The following GRAMD2B variants were observed in gnomAD, a reference collection of about 807,000 sequenced individuals.
The protein encoded by GRAMD2B is GRAM domain containing 2B.
In GRAMD2B, 41 loss-of-function variants were observed where a neutral mutation model predicts 59.2. The observed-to-expected ratio is 0.69, with a 90% CI of 0.54 to 0.90. GRAMD2B has a LOEUF of 0.90. Ranked by LOEUF, GRAMD2B falls within the 40% of genes least tolerant of loss-of-function variation. The pLI is 0.00. For synonymous variants in GRAMD2B, 161 were observed against 182.7 expected, an observed-to-expected ratio of 0.88 and a Z score of 0.96; for missense variants, 424 against 500.5, an observed-to-expected ratio of 0.85 and a Z score of 1.46.
At chr5:126,478,953 G>T (rs1477807623) in intron 6 of GRAMD2B, among the ~76,000 whole-genome samples, 10 of 152,050 alleles carry the variant, frequency 6.6e-5, no homozygotes, top group Admixed American at 6.6e-4. Flanking sequence ...TTTTAGACCT[G>T]CTTTACTAAC....
intron 1 of GRAMD2B, among the ~76,000 whole-genome samples, chr5:126,389,693 A>G (rs1245116526): frequency 6.6e-6 from 1 of 152,216 alleles, no homozygotes; most frequent in Admixed American, 6.5e-5. Flanking sequence ...CACACCTGTA[A>G]TCCCAGCACT....
Position 126,492,948 on chromosome 5 carries a change from G to A in GRAMD2B, c.1291G>A (p.Gly431Ser). ...QNNLQKLLENGD is the reference protein window; with the variant it reads ...QNNLQKLLENSD ...TAACTTACAGAAGTTGCTTGAGAATGGTGACTGATCGACCAGATTGCTTGG... is the reference window on the plus strand; with the variant it reads ...TAACTTACAGAAGTTGCTTGAGAATAGTGACTGATCGACCAGATTGCTTGG... Residue 431 changes from glycine to serine, a missense_variant, in exon 14 of 14, where the codon GGT (glycine) becomes AGT (serine). Physicochemically the swap from Gly to Ser is moderately conservative, Grantham distance 56. Transcript: ENST00000285689. The A allele has an allele frequency of 1.2e-6, 2 of 1,611,958 alleles. No homozygotes were observed. Among genetic ancestry groups the A allele is most frequent in the Non-Finnish European group, 8.5e-7 (1 of 1,178,144 alleles).
intron 3 of GRAMD2B, 150 bp downstream of exon 3, chr5:126,469,938 GT>G: frequency 1.6e-6 from 1 of 606,770 alleles, no homozygotes; most frequent in Non-Finnish European, 2.9e-6. Flanking sequence ...ACAGGCAGCA[GT>G]TCCTCCAGTC....
At chr5:126,475,404 G>A (rs1236390087) in intron 5 of GRAMD2B, among the ~76,000 whole-genome samples, 1 of 152,114 alleles carries the variant, frequency 6.6e-6, no homozygotes, top group Non-Finnish European at 1.5e-5. Context: ...TTGTTGCTCA[G>A]AAACAAAATT....
chr5:126,416,625 C>A (rs551920213), intron 1 of GRAMD2B, among the ~76,000 whole-genome samples: 9 of 152,312 alleles, frequency 5.9e-5, no homozygotes, highest in Admixed American at 2.6e-4. Flanking sequence ...CCATCCTTCT[C>A]CCGCCAACCT....
intron 4 of GRAMD2B, 143 bp downstream of exon 4, chr5:126,472,447 G>A: frequency 1.6e-6 from 1 of 620,432 alleles, no homozygotes. Flanking sequence ...AATAACACCA[G>A]CTTCAGTCAG....
Position 126,480,682 on chromosome 5 carries a change from CA to C in GRAMD2B, c.711del (p.Asp238ThrfsTer56). 6.2e-7 allele frequency: 1 copy of C among 1,614,072 alleles called. No homozygotes were observed. Among genetic ancestry groups the C allele is most frequent in the Non-Finnish European group, 8.5e-7 (1 of 1,179,926 alleles). Reference protein sequence around the residue: ...NPSSAENSFRADRPSSLPLDF... With the variant: ...NPSSAENSFRXDRPSSLPLDF... Reference sequence around the variant, plus strand: ...TCTTCTGCTGAAAACAGTTTCCGAGCAGACCGCCCTTCATCTCTGCCTCTGG... The same window carrying C: ...TCTTCTGCTGAAAACAGTTTCCGAGCGACCGCCCTTCATCTCTGCCTCTGG... On this transcript the variant is annotated frameshift_variant, in exon 8 of 14. Transcript: ENST00000285689. LOFTEE classifies it high-confidence loss of function.
At chr5:126,394,857 GT>G (rs1363523699) in intron 1 of GRAMD2B, among the ~76,000 whole-genome samples, 7 of 152,002 alleles carry the variant, frequency 4.6e-5, no homozygotes, top group East Asian at 1.9e-4. Flanking sequence ...CCATAAATAT[GT>G]TTTTTTTCTG....
chr5:126,486,764 T>A (rs1280288426), intron 11 of GRAMD2B, 109 bp from the exon 12 acceptor site: 3 of 640,408 alleles, frequency 4.7e-6, no homozygotes. Context: ...TACCAAGTTA[T>A]TTTGGAAAAT....
rs1041265223 is a variant in GRAMD2B at position 126,392,839 on chromosome 5, G to A, written c.125+21272G>A. On this transcript the variant is annotated intron_variant, in intron 1 of 8. Transcript: ENST00000506445. ...CCTAGATCTCTCGCATGTGCAGTTC[G>A]CAATAGGGTTTGTGCTCCTATGAGA... is the stretch of plus-strand genomic sequence containing the variant. Among the ~76,000 whole-genome samples, 7 of 152,082 alleles carry A rather than the reference G, an allele frequency of 4.6e-5. No homozygotes were observed. The East Asian group carries it at 7.7e-4, about 17-fold the overall frequency.
At chr5:126,443,781 G>A (rs117808380) in intron 1 of GRAMD2B, among the ~76,000 whole-genome samples, 60 of 152,316 alleles carry the variant, frequency 3.9e-4, no homozygotes, top group Middle Eastern at 6.8e-3. Flanking sequence ...TGGGTGCTGT[G>A]GGTCATGCCT....
In GRAMD2B at chr5:126,423,816, GCTCT is replaced by G. The variant is rs1477396304; in HGVS notation, c.83+132_83+135del. 13 of 800,246 alleles carry G rather than the reference GCTCT, an allele frequency of 1.6e-5. No individual in the cohort carries two copies. In the East Asian group the frequency reaches 1.8e-4, roughly 11 times the overall value. 49.6% of individuals were successfully genotyped at this position (800,246 alleles called of 1,614,324 possible). ...TCCTATATGGACAATCTTGTGGCGC[GCTCT>G]CTCTGTCTCTCACTCTCTCTCTCTG... On this transcript the variant is annotated intron_variant, in intron 1 of 13. Transcript: ENST00000285689.
intron 1 of GRAMD2B, among the ~76,000 whole-genome samples, chr5:126,402,317 G>T (rs1305071340): frequency 6.6e-6 from 1 of 152,076 alleles, no homozygotes; most frequent in African/African-American, 2.4e-5. Flanking sequence ...AATGCAGAAA[G>T]CCTGGCTTAC....
intron 1 of GRAMD2B, among the ~76,000 whole-genome samples, chr5:126,404,108 T>A (rs889730925): frequency 5.3e-5 from 8 of 151,952 alleles, no homozygotes; most frequent in South Asian, 2.1e-4. Context: ...GAAATGCTAA[T>A]GTTAAATTCT....
At chr5:126,449,452 C>T (rs2126666343) in intron 1 of GRAMD2B, among the ~76,000 whole-genome samples, 1 of 152,284 alleles carries the variant, frequency 6.6e-6, no homozygotes, top group South Asian at 2.1e-4. Flanking sequence ...AGATAAGAGA[C>T]ATTTACATCC....
At chr5:126,451,171 G>C (rs36023917) in intron 1 of GRAMD2B, among the ~76,000 whole-genome samples, 41,055 of 152,240 alleles carry the variant, frequency 0.27, 6,942 homozygotes, top group East Asian at 0.59. Context: ...CGAGGCCTTG[G>C]GAGCCCACTC....
chr5:126,481,208 AAAGAAAGAAAGAAAGAAAGAAAG>A (rs1367814602), intron 8 of GRAMD2B, among the ~76,000 whole-genome samples: 1,049 of 6,726 alleles, frequency 0.16, 30 homozygotes, highest in African/African-American at 0.29. Flanking sequence ...AAAAAAAAAG[AAAGAAAGAAAGAAAGAAAGAAAG>A]AAAGAAAGAA....
chr5:126,476,228 G>A (rs975530208), intron 5 of GRAMD2B, among the ~76,000 whole-genome samples: 6 of 152,278 alleles, frequency 3.9e-5, no homozygotes, highest in Non-Finnish European at 7.4e-5. Flanking sequence ...AGCCAAGATT[G>A]CACCATTGCA....
At chr5:126,405,441 G>T (rs937441342) in intron 1 of GRAMD2B, among the ~76,000 whole-genome samples, 7 of 151,806 alleles carry the variant, frequency 4.6e-5, no homozygotes, top group Admixed American at 3.3e-4. Flanking sequence ...CTTCCTCAAT[G>T]GTACAATAAG....
Sources: allele counts gnomAD v4.1 joint callset (sites outside exome capture counted in the v4.1 genomes callset), GRCh38; gene constraint gnomAD v4.1.1; transcripts MANE v1.5; gene names NCBI Gene and HGNC (gene_info 2026-07-23, HGNC 2026-07-21).